OPCML: variants seen among roughly 807,000 people sequenced by gnomAD.
The protein encoded by OPCML is opioid-binding protein/cell adhesion molecule.
Under a neutral mutation model 37.8 loss-of-function variants are expected in OPCML, and 13 were observed. The observed-to-expected ratio is 0.34, with a 90% CI of 0.22 to 0.55. The LOEUF (loss-of-function observed/expected upper bound fraction) is 0.55, where lower values mean the gene tolerates loss of function less well. Among genes scored for constraint, OPCML ranks in the 20% least tolerant of loss-of-function variants. The pLI, the probability that OPCML is intolerant of heterozygous loss-of-function variation, is 0.91. For missense variants in OPCML, 341 were observed against 435.6 expected (o/e 0.78, Z 1.93); for synonymous variants, 176 against 168.8 (o/e 1.04, Z -0.33).
At chr11:132,707,378 C>T (rs1292002667) in intron 2 of OPCML, among the ~76,000 whole-genome samples, 1 of 152,088 alleles carries the variant, frequency 6.6e-6, no homozygotes, top group Admixed American at 6.5e-5. Context: ...TAAGCAGAAA[C>T]ATTAAAGAAA....
At chr11:132,563,884 T>C (rs953905961) in intron 3 of OPCML, among the ~76,000 whole-genome samples, 2 of 152,162 alleles carry the variant, frequency 1.3e-5, no homozygotes, top group African/African-American at 2.4e-5. Flanking sequence ...GGAGGAGATG[T>C]TGCAAGATTT....
At chr11:132,436,479 C>T in intron 6 of OPCML, 180 bp downstream of exon 6, 1 of 936,052 alleles carries the variant, frequency 1.1e-6, no homozygotes. Flanking sequence ...TCATTTTCTC[C>T]ACTTCCCAGC....
At chr11:133,287,746 C>G (rs1321332318) in intron 1 of OPCML, among the ~76,000 whole-genome samples, 5 of 151,974 alleles carry the variant, frequency 3.3e-5, no homozygotes, top group Non-Finnish European at 5.9e-5. Flanking sequence ...GGAAAGGAGG[C>G]AGAGAGCAGT....
At chr11:133,035,847 A>G (rs1947771361) in intron 1 of OPCML, among the ~76,000 whole-genome samples, 1 of 152,180 alleles carries the variant, frequency 6.6e-6, no homozygotes, top group Non-Finnish European at 1.5e-5. Flanking sequence ...GAGGCTGAAT[A>G]AGGTTAAAAG....
At chr11:133,396,635 C>A (rs560204467) in intron 1 of OPCML, among the ~76,000 whole-genome samples, 1 of 152,298 alleles carries the variant, frequency 6.6e-6, no homozygotes, top group African/African-American at 2.4e-5. Flanking sequence ...GTAGTGCAAG[C>A]CTTTCAAGGG....
chr11:133,028,331 A>G (rs914436174), intron 1 of OPCML, among the ~76,000 whole-genome samples: 2 of 152,186 alleles, frequency 1.3e-5, no homozygotes, highest in Middle Eastern at 3.4e-3. Flanking sequence ...GAAAGGGTGC[A>G]TGTCCATACC....
At chr11:133,497,552 G>A (rs1025145429) in intron 1 of OPCML, among the ~76,000 whole-genome samples, 2 of 151,684 alleles carry the variant, frequency 1.3e-5, no homozygotes, top group African/African-American at 4.9e-5. Flanking sequence ...TTCTGGACAG[G>A]TGGAAGCTCC....
chr11:132,709,606 T>C (rs1178058755), intron 2 of OPCML, among the ~76,000 whole-genome samples: 1 of 152,180 alleles, frequency 6.6e-6, no homozygotes, highest in African/African-American at 2.4e-5. Context: ...TTCTGTAGCA[T>C]GCCCCCCTGG....
intron 1 of OPCML, among the ~76,000 whole-genome samples, chr11:132,985,453 C>A (rs556198414): frequency 6.6e-6 from 1 of 152,320 alleles, no homozygotes; most frequent in African/African-American, 2.4e-5. Context: ...GCCATGAGAA[C>A]CCTCCATTGG....
At chr11:132,768,935 T>C (rs1946546659) in intron 2 of OPCML, among the ~76,000 whole-genome samples, 1 of 152,098 alleles carries the variant, frequency 6.6e-6, no homozygotes, top group African/African-American at 2.4e-5. Context: ...GATAAAATCG[T>C]AAAGAGCAGC....
chr11:132,783,992 G>T (rs1199521821), intron 2 of OPCML, among the ~76,000 whole-genome samples: 1 of 152,084 alleles, frequency 6.6e-6, no homozygotes, highest in Non-Finnish European at 1.5e-5. Context: ...GATCAGATAG[G>T]CCTGATTAGC....
intron 1 of OPCML, among the ~76,000 whole-genome samples, chr11:133,022,117 C>A (rs1289624068): frequency 3.3e-5 from 5 of 152,158 alleles, no homozygotes; most frequent in Admixed American, 3.3e-4. Context: ...ACCATGTGAT[C>A]TTTGGTTATG....
At chr11:132,559,591 G>T (rs2096406021) in intron 3 of OPCML, among the ~76,000 whole-genome samples, 1 of 151,822 alleles carries the variant, frequency 6.6e-6, no homozygotes, top group African/African-American at 2.4e-5. Flanking sequence ...ACACATCACT[G>T]GAATTATGAG....
intron 2 of OPCML, among the ~76,000 whole-genome samples, chr11:132,795,441 A>C (rs1938247365): frequency 6.6e-6 from 1 of 152,246 alleles, no homozygotes; most frequent in Admixed American, 6.5e-5. Flanking sequence ...ACCCATTGCC[A>C]CAATAAGTTT....
At chr11:132,863,642 C>T (rs1217430248) in intron 2 of OPCML, among the ~76,000 whole-genome samples, 1 of 152,186 alleles carries the variant, frequency 6.6e-6, no homozygotes, top group African/African-American at 2.4e-5. Flanking sequence ...AACTATGACT[C>T]TAACTTTCCT....
intron 1 of OPCML, among the ~76,000 whole-genome samples, chr11:133,187,319 G>A (rs1270481291): frequency 3.3e-5 from 5 of 151,902 alleles, no homozygotes; most frequent in Non-Finnish European, 7.4e-5. Flanking sequence ...TCTCTTCAAA[G>A]TTGCCTCTGC....
chr11:133,463,259 G>A (rs1279256971), intron 1 of OPCML, among the ~76,000 whole-genome samples: 3 of 152,040 alleles, frequency 2.0e-5, no homozygotes, highest in Non-Finnish European at 4.4e-5. Flanking sequence ...GAGGGAATCG[G>A]GAAATGACTG....
chr11:133,324,351 A>T (rs1212894418), intron 1 of OPCML, among the ~76,000 whole-genome samples: 3 of 152,132 alleles, frequency 2.0e-5, no homozygotes, highest in Admixed American at 1.3e-4. Flanking sequence ...GAGAAAAAAA[A>T]ATTTTCGGGA....
chr11:133,491,114 A>G (rs1305243206), intron 1 of OPCML, among the ~76,000 whole-genome samples: 1 of 152,226 alleles, frequency 6.6e-6, no homozygotes, highest in Non-Finnish European at 1.5e-5. Flanking sequence ...AAAGTTGATC[A>G]AAGGTCAATG....
Sources: allele counts gnomAD v4.1 joint callset (sites outside exome capture counted in the v4.1 genomes callset), GRCh38; gene constraint gnomAD v4.1.1; transcripts MANE v1.5; gene names NCBI Gene and HGNC (gene_info 2026-07-23, HGNC 2026-07-21).